Variants in LRMDA observed in about 807,000 individuals in gnomAD.
The protein encoded by LRMDA is leucine-rich melanocyte differentiation-associated protein.
Under a neutral mutation model 29.8 loss-of-function variants are expected in LRMDA, and 18 were observed. The observed-to-expected ratio is 0.60, with a 90% CI of 0.42 to 0.90. The LOEUF is 0.90. Ranked by LOEUF, LRMDA falls within the 40% of genes least tolerant of loss-of-function variation. The pLI is 0.00. For synonymous variants in LRMDA, 125 were observed against 109.4 expected, an observed-to-expected ratio of 1.14 and a Z score of -0.89; for missense variants, 273 against 273.9, an observed-to-expected ratio of 1.00 and a Z score of 0.02.
chr10:75,790,684 G>A (rs1332184975), intron 2 of LRMDA, among the ~76,000 whole-genome samples: 1 of 152,212 alleles, frequency 6.6e-6, no homozygotes, highest in African/African-American at 2.4e-5. Context: ...ATATTTGGGT[G>A]ATTGATCTGA....
chr10:76,124,887 G>C (rs536566143), intron 5 of LRMDA, among the ~76,000 whole-genome samples: 180 of 152,344 alleles, frequency 1.2e-3, no homozygotes, highest in South Asian at 3.7e-3. Context: ...ATGAACAGCA[G>C]CTGGGAGCTG....
intron 5 of LRMDA, among the ~76,000 whole-genome samples, chr10:76,258,545 A>G (rs1839895315): frequency 1.3e-5 from 2 of 152,172 alleles, no homozygotes; most frequent in African/African-American, 4.8e-5. Flanking sequence ...TTTTTTTAAC[A>G]TGAGAAATTA....
intron 2 of LRMDA, among the ~76,000 whole-genome samples, chr10:75,753,816 A>C (rs1363867478): frequency 6.6e-6 from 1 of 151,922 alleles, no homozygotes; most frequent in South Asian, 2.1e-4. Flanking sequence ...AAGGGGGTCC[A>C]GTTAGCACAG....
chr10:75,845,111 T>G (rs1275774763), intron 2 of LRMDA, among the ~76,000 whole-genome samples: 1 of 151,854 alleles, frequency 6.6e-6, no homozygotes, highest in Non-Finnish European at 1.5e-5. Flanking sequence ...ATATGATTTT[T>G]TTTTGTTTTT....
chr10:75,646,649 G>T (rs979543560), intron 2 of LRMDA, among the ~76,000 whole-genome samples: 1 of 152,306 alleles, frequency 6.6e-6, no homozygotes, highest in Admixed American at 6.5e-5. Context: ...TTGGCCTGTT[G>T]TAAAAAATAA....
At chr10:75,918,739 G>A (rs1845976277) in intron 2 of LRMDA, among the ~76,000 whole-genome samples, 1 of 152,186 alleles carries the variant, frequency 6.6e-6, no homozygotes, top group South Asian at 2.1e-4. Context: ...TGGAGAAGAG[G>A]GGCTTTGACT....
intron 6 of LRMDA, among the ~76,000 whole-genome samples, chr10:76,438,186 T>C (rs180819454): frequency 6.6e-6 from 1 of 152,208 alleles, no homozygotes; most frequent in East Asian, 1.9e-4. Flanking sequence ...TGAGGGGATA[T>C]AAGCAGCGGG....
intron 6 of LRMDA, among the ~76,000 whole-genome samples, chr10:76,397,100 A>G (rs560433568): frequency 3.3e-5 from 5 of 152,182 alleles, no homozygotes; most frequent in Non-Finnish European, 4.4e-5. Context: ...TGTGAGCAAA[A>G]TCATTTTATT....
chr10:75,701,383 T>A (rs1464223460), intron 2 of LRMDA, among the ~76,000 whole-genome samples: 1 of 152,224 alleles, frequency 6.6e-6, no homozygotes, highest in South Asian at 2.1e-4. Flanking sequence ...GATGTTCAGA[T>A]AAATTAAATT....
chr10:76,380,533 G>A (rs959967135), intron 6 of LRMDA, among the ~76,000 whole-genome samples: 2 of 151,892 alleles, frequency 1.3e-5, no homozygotes, highest in Non-Finnish European at 2.9e-5. Context: ...GTCGGGCGTG[G>A]TGGCGGGCGC....
chr10:75,899,290 C>T (rs906973586), intron 2 of LRMDA, among the ~76,000 whole-genome samples: 5 of 152,120 alleles, frequency 3.3e-5, no homozygotes, highest in East Asian at 1.9e-4. Context: ...TTACCAGATG[C>T]GATGCTAGAA....
chr10:75,682,124 G>C (rs910042456), intron 2 of LRMDA, among the ~76,000 whole-genome samples: 1 of 152,104 alleles, frequency 6.6e-6, no homozygotes, highest in African/African-American at 2.4e-5. Context: ...GCAAGACCTA[G>C]GTTGAAATTA....
chr10:75,696,377 C>G (rs1381997306), intron 2 of LRMDA, among the ~76,000 whole-genome samples: 1 of 152,224 alleles, frequency 6.6e-6, no homozygotes, highest in Non-Finnish European at 1.5e-5. Context: ...AAGGGTCTTG[C>G]ATTGGCAATT....
At chr10:76,467,152 T>G (rs532054673) in intron 6 of LRMDA, among the ~76,000 whole-genome samples, 1 of 152,212 alleles carries the variant, frequency 6.6e-6, no homozygotes, top group Non-Finnish European at 1.5e-5. Context: ...TTTTTCAGGA[T>G]AAAAACTCAC....
At chr10:76,126,393 A>T (rs1849883797) in intron 5 of LRMDA, among the ~76,000 whole-genome samples, 1 of 152,152 alleles carries the variant, frequency 6.6e-6, no homozygotes, top group South Asian at 2.1e-4. Flanking sequence ...TTGTTTTTTC[A>T]TGAAAACATT....
At chr10:76,533,023 T>C (rs1843251407) in intron 6 of LRMDA, among the ~76,000 whole-genome samples, 1 of 152,192 alleles carries the variant, frequency 6.6e-6, no homozygotes, top group Admixed American at 6.5e-5. Flanking sequence ...ATTATTTTCA[T>C]AGTTGTAATA....
chr10:76,135,705 ATTTTT>A, intron 5 of LRMDA, among the ~76,000 whole-genome samples: 1 of 150,540 alleles, frequency 6.6e-6, no homozygotes, highest in East Asian at 1.9e-4. Flanking sequence ...TGTAGATGGC[ATTTTT>A]ACTCTGTCTT....
chr10:75,891,589 C>T lies in LRMDA; in HGVS notation c.132-144419C>T, dbSNP rs192967856. Among the ~76,000 whole-genome samples the T allele has an allele frequency of 1.2e-3, 177 of 152,244 alleles. 1 individual carries two copies. The highest frequency in any genetic ancestry group is 2.0e-3 in the Non-Finnish European group (138 of 68,012). ...GTGACCTCAAAGGCTCTGGTCAGGACTTTGGGTTTTATTGTATATTAGAGG... is the reference window on the plus strand; with the variant it reads ...GTGACCTCAAAGGCTCTGGTCAGGATTTTGGGTTTTATTGTATATTAGAGG... On this transcript the variant is annotated intron_variant, in intron 2 of 6. Transcript: ENST00000611255.
At chr10:75,459,717 C>G (rs796875038) in intron 2 of LRMDA, among the ~76,000 whole-genome samples, 1 of 152,120 alleles carries the variant, frequency 6.6e-6, no homozygotes, top group South Asian at 2.1e-4. Flanking sequence ...TTATAATGAA[C>G]AGAAATGTAC....
Sources: gnomAD v4.1 joint callset for allele counts (sites outside exome capture counted in the v4.1 genomes callset) on GRCh38, gnomAD v4.1.1 for gene constraint, MANE v1.5 for transcripts, NCBI Gene and HGNC (gene_info 2026-07-23, HGNC 2026-07-21) for gene names.